Variants in FAM50B observed in about 807,000 individuals in gnomAD.
FAM50B encodes protein FAM50B.
A neutral mutation model predicts 25.4 loss-of-function variants in FAM50B; 9 were observed. The observed-to-expected ratio is 0.35, with a 90% CI of 0.21 to 0.62. The LOEUF (loss-of-function observed/expected upper bound fraction) is 0.62. Ranked by LOEUF, FAM50B falls within the 20% of genes least tolerant of loss-of-function variation. FAM50B has a pLI of 0.73. For missense variants in FAM50B, 372 were observed against 477.9 expected (o/e 0.78, Z 2.07); for synonymous variants, 212 against 204.3 (o/e 1.04, Z -0.32).
the FAM50B span, among the ~76,000 whole-genome samples, chr6:3,835,066 C>T: frequency 1.3e-5 from 2 of 152,068 alleles, no homozygotes; most frequent in African/African-American, 4.8e-5. Flanking sequence ...AATCTGTGGC[C>T]CCCTTGATGG....
chr6:3,844,597 A>G (rs989191633), upstream of FAM50B, among the ~76,000 whole-genome samples: 2 of 151,944 alleles, frequency 1.3e-5, no homozygotes, highest in Non-Finnish European at 2.9e-5. Flanking sequence ...TGTAATCCCA[A>G]CTACTCGGGA....
At chr6:3,849,754 C>G in intron 1 of FAM50B, 35 bp from the exon 2 acceptor site, 2 of 1,528,552 alleles carry the variant, frequency 1.3e-6, no homozygotes, top group East Asian at 2.3e-5. Context: ...GCGTGGGCCC[C>G]CCTCTACCTG....
Position 3,850,126 on chromosome 6 carries a change from G to A in FAM50B, c.315G>A (p.Arg105=). The A allele has an allele frequency of 1.2e-6, 2 of 1,610,072 alleles. No homozygotes were observed. Among genetic ancestry groups the A allele is most frequent in the Non-Finnish European group, 1.7e-6 (2 of 1,178,820 alleles). Residue 105 remains arginine (R), a synonymous_variant, in exon 2 of 2, where the codon CGG becomes CGA. Coordinates refer to ENST00000648326, the MANE Select transcript of FAM50B (RefSeq NM_012135.3). ...AGCGGCTGCAGCAGGAGCGGCAGCG[G>A]GAGCAGGAGCAGCGGCGCGAGCGCA... The part of the protein sequence containing the change: ...EEQRLQQERQ[R]EQEQRRERKR...
chr6:3,843,926 G>A, the FAM50B span, among the ~76,000 whole-genome samples: 4 of 152,156 alleles, frequency 2.6e-5, no homozygotes, highest in Non-Finnish European at 1.5e-5. Flanking sequence ...ATTGAGTGGA[G>A]ATGCTATCGG....
the FAM50B span, among the ~76,000 whole-genome samples, chr6:3,841,829 C>G: frequency 6.6e-6 from 1 of 152,234 alleles, no homozygotes; most frequent in Non-Finnish European, 1.5e-5. Flanking sequence ...ATCCAGGAAT[C>G]CTGCAGCAGT....
chr6:3,848,267 T>C (rs1762145270), upstream of FAM50B, among the ~76,000 whole-genome samples: 1 of 152,238 alleles, frequency 6.6e-6, no homozygotes, highest in Admixed American at 6.5e-5. Flanking sequence ...TCTTGTATTC[T>C]GGTGATGGGG....
rs1762213216 is a variant in FAM50B at position 3,850,939 on chromosome 6, C to T, written c.*150C>T. The T allele has an allele frequency of 7.8e-7, 1 of 1,287,598 alleles. No homozygotes were observed. The highest frequency in any genetic ancestry group is 1.1e-6 in the Non-Finnish European group (1 of 949,364). The allele number at this position is 1,287,598 out of a possible 1,614,324, so 79.8% of individuals were successfully genotyped here. On this transcript the variant is annotated 3_prime_UTR_variant, in exon 2 of 2. Transcript: ENST00000648326. ...ATGATTCACATTGGTTGTGCTATTG[C>T]TGATGTTATGCTTTGGTTGCTTGGT...
chr6:3,850,521 T>A lies in FAM50B; in HGVS notation c.710T>A (p.Phe237Tyr), dbSNP rs1405770529. ...LRSAGVEQLM[F>Y]IKEDLILPHY... ...TCCGCCGGCGTGGAGCAGCTCATGT[T>A]CATCAAGGAGGACCTCATCCTGCCG... The change falls in exon 2 of 2, where the codon TTC (phenylalanine) becomes TAC (tyrosine). Residue 237 changes from phenylalanine to tyrosine, a missense_variant. Around this residue, in one of 4 missense-constraint regions of FAM50B, gnomAD observed 224 missense variants for 232.2 expected, o/e 0.96. Transcript: ENST00000648326. 1 of 1,613,872 alleles carries A rather than the reference T, an allele frequency of 6.2e-7. No individual in the cohort carries two copies. Among genetic ancestry groups the A allele is most frequent in the Admixed American group, 1.7e-5 (1 of 60,028 alleles).
chr6:3,836,141 TAAAAC>T, the FAM50B span, among the ~76,000 whole-genome samples: 12 of 152,198 alleles, frequency 7.9e-5, no homozygotes, highest in Non-Finnish European at 1.3e-4. Context: ...CAGAAAAAAA[TAAAAC>T]AACACAGCAG....
In FAM50B at chr6:3,851,180, A is replaced by C. The variant is rs1762218063; in HGVS notation, c.*391A>C. The C allele has an allele frequency of 4.4e-6, 1 of 225,024 alleles. No homozygotes were observed. Among genetic ancestry groups the C allele is most frequent in the Non-Finnish European group, 9.6e-6 (1 of 104,232 alleles). The allele number at this position is 225,024 out of a possible 1,614,324, so 13.9% of individuals were successfully genotyped here. A position where few individuals can be genotyped will look rare whatever the true frequency, so the allele number is the denominator to read the frequency against. Reference sequence around the variant, plus strand: ...TTGCTGTGTAGTTTTGGGTAAGCTTATTAAACCCCCATGCCTCAGTTTGGT... The same window carrying C: ...TTGCTGTGTAGTTTTGGGTAAGCTTCTTAAACCCCCATGCCTCAGTTTGGT... On this transcript the variant is annotated 3_prime_UTR_variant, in exon 2 of 2. Transcript: ENST00000648326.
chr6:3,839,795 G>T, the FAM50B span, among the ~76,000 whole-genome samples: 2 of 152,068 alleles, frequency 1.3e-5, no homozygotes, highest in Non-Finnish European at 2.9e-5. Flanking sequence ...CAAGACACTG[G>T]GACGTGCTAG....
chr6:3,845,882 A>AT (rs947009322), upstream of FAM50B, among the ~76,000 whole-genome samples: 2 of 151,826 alleles, frequency 1.3e-5, no homozygotes, highest in African/African-American at 4.8e-5. Flanking sequence ...CACCCAGCTA[A>AT]TTTTTTTTAT....
upstream of FAM50B, among the ~76,000 whole-genome samples, chr6:3,846,316 A>G (rs886945562): frequency 8.5e-5 from 13 of 152,250 alleles, no homozygotes; most frequent in African/African-American, 3.1e-4. Flanking sequence ...TTTCTAGTGC[A>G]TATAAAAGTT....
Position 3,850,232 on chromosome 6 carries a change from A to C in FAM50B, c.421A>C (p.Asn141His). Reference sequence around the variant, plus strand: ...CGCGGCCGAGGCCAGGCGCGCCGGAAACCTGGGCAAGAACCCCGACGTGGA... The same window carrying C: ...CGCGGCCGAGGCCAGGCGCGCCGGACACCTGGGCAAGAACCCCGACGTGGA... ...ADAAEARRAG[N>H]LGKNPDVDTS... The change falls in exon 2 of 2, where the codon AAC (asparagine) becomes CAC (histidine). Residue 141 changes from asparagine (N) to histidine (H), a missense_variant. This residue lies in a region of FAM50B where 224 missense variants were observed against 232.2 expected (regional missense o/e 0.96). Coordinates refer to ENST00000648326, the MANE Select transcript of FAM50B (RefSeq NM_012135.3). The C allele has an allele frequency of 6.2e-7, 1 of 1,613,296 alleles. No homozygotes were observed. The highest frequency in any genetic ancestry group is 1.1e-5 in the South Asian group (1 of 91,072).
In FAM50B at chr6:3,850,474, C is replaced by A; in HGVS notation, c.663C>A (p.Arg221=). The change falls in exon 2 of 2, where the codon CGC becomes CGA. Residue 221 remains arginine (R), a synonymous_variant. Coordinates refer to ENST00000648326, the MANE Select transcript of FAM50B (RefSeq NM_012135.3). ...QFLKKALQGL[R]KDFLELRSAG... ...TGAAGAAGGCGCTGCAGGGGCTGCG[C>A]AAGGACTTCCTGGAGCTGCGCTCCG... The A allele has an allele frequency of 6.2e-7, 1 of 1,613,580 alleles. No homozygotes were observed. Among genetic ancestry groups the A allele is most frequent in the Non-Finnish European group, 8.5e-7 (1 of 1,180,020 alleles).
At chr6:3,842,635 AC>A in the FAM50B span, among the ~76,000 whole-genome samples, 3 of 152,210 alleles carry the variant, frequency 2.0e-5, no homozygotes, top group East Asian at 5.8e-4. Context: ...AAGATGTTCC[AC>A]CCTTTGAAAG....
At chr6:3,848,313 A>G (rs1581302140), upstream of FAM50B, among the ~76,000 whole-genome samples, 1 of 152,208 alleles carries the variant, frequency 6.6e-6, no homozygotes, top group East Asian at 1.9e-4. Flanking sequence ...AAAAAATGCT[A>G]ATTTCCTAGA....
At chr6:3,832,670 C>T in the FAM50B span, among the ~76,000 whole-genome samples, 2 of 152,136 alleles carry the variant, frequency 1.3e-5, no homozygotes, top group Admixed American at 6.5e-5. Context: ...TTCCCCACCC[C>T]ACAGTTCTGA....
chr6:3,849,223 C>T (rs1414349153), upstream of FAM50B, among the ~76,000 whole-genome samples: 2 of 152,210 alleles, frequency 1.3e-5, no homozygotes, highest in Non-Finnish European at 2.9e-5. Flanking sequence ...CACAGGAGCA[C>T]CGCCCCTACC....
Sources: gnomAD v4.1 joint callset for allele counts (sites outside exome capture counted in the v4.1 genomes callset) on GRCh38, gnomAD v4.1.1 for gene constraint, gnomAD v4.1.1 regional missense constraint, MANE v1.5 for transcripts, NCBI Gene and HGNC (gene_info 2026-07-23, HGNC 2026-07-21) for gene names.